Variants in CLDN10 observed in about 807,000 individuals in gnomAD.
The protein encoded by CLDN10 is claudin-10.
A neutral mutation model predicts 22.9 loss-of-function variants in CLDN10; 15 were observed. The ratio of observed to expected loss-of-function variants is 0.65; its 90% CI spans 0.44 to 1.01. CLDN10 has a LOEUF of 1.01. Ranked by LOEUF, CLDN10 falls within the 50% of genes least tolerant of loss-of-function variation. CLDN10 has a pLI of 0.00. For synonymous variants in CLDN10, 114 were observed against 111.4 expected, an observed-to-expected ratio of 1.02 and a Z score of -0.15; for missense variants, 247 against 287.8, an observed-to-expected ratio of 0.86 and a Z score of 1.03.
chr13:95,518,377 T>C (rs187424378), intron 1 of CLDN10, among the ~76,000 whole-genome samples: 267 of 152,360 alleles, frequency 1.8e-3, no homozygotes, highest in African/African-American at 4.7e-3. Flanking sequence ...TTATAGATCA[T>C]ATCCACAATT....
At chr13:95,519,669 C>T (rs935070687) in intron 1 of CLDN10, among the ~76,000 whole-genome samples, 1 of 152,118 alleles carries the variant, frequency 6.6e-6, no homozygotes, top group Non-Finnish European at 1.5e-5. Flanking sequence ...GCTATTAGTT[C>T]CTAACTCTTA....
chr13:95,506,902 G>C (rs1371033811), intron 1 of CLDN10, among the ~76,000 whole-genome samples: 1 of 152,110 alleles, frequency 6.6e-6, no homozygotes, highest in Non-Finnish European at 1.5e-5. Context: ...GGGCAGTAAA[G>C]CTCCCAAAAT....
At chr13:95,523,167 T>G (rs1023946124) in intron 1 of CLDN10, among the ~76,000 whole-genome samples, 6 of 152,126 alleles carry the variant, frequency 3.9e-5, no homozygotes, top group African/African-American at 1.4e-4. Flanking sequence ...TTGCTTATTA[T>G]TCTATCTTTT....
intron 3 of CLDN10, among the ~76,000 whole-genome samples, chr13:95,563,825 T>G (rs2043749543): frequency 6.6e-6 from 1 of 152,218 alleles, no homozygotes; most frequent in Non-Finnish European, 1.5e-5. Context: ...ATGACTTCAC[T>G]TGGTTTCCGT....
At chr13:95,553,651 G>A (rs1267922459) in intron 1 of CLDN10, among the ~76,000 whole-genome samples, 1 of 152,244 alleles carries the variant, frequency 6.6e-6, no homozygotes, top group Non-Finnish European at 1.5e-5. Flanking sequence ...TCCGCAGAGG[G>A]TAGGGAATCT....
intron 1 of CLDN10, among the ~76,000 whole-genome samples, chr13:95,494,111 C>T (rs1444871801): frequency 1.3e-5 from 2 of 152,160 alleles, no homozygotes; most frequent in Non-Finnish European, 2.9e-5. Flanking sequence ...TTCCTTACTA[C>T]CATCAAATAC....
At chr13:95,481,280 G>A (rs877960) in intron 1 of CLDN10, among the ~76,000 whole-genome samples, 90,116 of 151,988 alleles carry the variant, frequency 0.59, 27,930 homozygotes, top group African/African-American at 0.78. Context: ...GACTCAGTGC[G>A]GACCTTGCCT....
At chr13:95,505,911 C>T (rs531179291) in intron 1 of CLDN10, among the ~76,000 whole-genome samples, 23 of 152,058 alleles carry the variant, frequency 1.5e-4, no homozygotes, top group Non-Finnish European at 2.8e-4. Context: ...CCTGCCACCA[C>T]GCCCAGCTAG....
chr13:95,462,990 A>G (rs897406185), intron 1 of CLDN10, among the ~76,000 whole-genome samples: 2 of 152,020 alleles, frequency 1.3e-5, no homozygotes, highest in Non-Finnish European at 2.9e-5. Context: ...GCTGCTTGCC[A>G]AGGACTGAGG....
intron 1 of CLDN10, among the ~76,000 whole-genome samples, chr13:95,537,952 G>A (rs2043417793): frequency 6.6e-6 from 1 of 152,136 alleles, no homozygotes; most frequent in Admixed American, 6.5e-5. Context: ...ACATCCTTCA[G>A]TGGCAACATA....
In CLDN10 at chr13:95,570,858, G is replaced by GTATATATATATATATATATATA. The variant is rs55861640; in HGVS notation, c.465-6368_465-6347dup. ...CACACACACACACACATATACGTGT[G>GTATATATATATATATATATATA]TATATATATATATATATATATATAT... is the stretch of plus-strand genomic sequence containing the variant. On this transcript the variant is annotated intron_variant, in intron 3 of 4. Coordinates refer to ENST00000299339, the MANE Select transcript of CLDN10 (RefSeq NM_006984.5). Among the ~76,000 whole-genome samples, 457 of 119,504 alleles carry GTATATATATATATATATATATA rather than the reference G, an allele frequency of 3.8e-3. 3 individuals are homozygous for GTATATATATATATATATATATA. Among genetic ancestry groups the GTATATATATATATATATATATA allele is most frequent in the Non-Finnish European group, 5.3e-3 (308 of 58,372 alleles). The allele number at this position is 119,504 out of a possible 152,430, so 78.4% of individuals were successfully genotyped here. A position where few individuals can be genotyped will look rare whatever the true frequency, so the allele number is the denominator to read the frequency against.
intron 1 of CLDN10, among the ~76,000 whole-genome samples, chr13:95,440,462 G>A (rs917580579): frequency 2.6e-5 from 4 of 152,174 alleles, no homozygotes; most frequent in African/African-American, 9.7e-5. Context: ...GGTCACTTGA[G>A]CCAAGGAGTT....
chr13:95,440,607 T>C (rs1442088215), intron 1 of CLDN10, among the ~76,000 whole-genome samples: 1 of 152,130 alleles, frequency 6.6e-6, no homozygotes, highest in Non-Finnish European at 1.5e-5. Context: ...ACTGGGGAGA[T>C]TGAGACTGCA....
intron 1 of CLDN10, among the ~76,000 whole-genome samples, chr13:95,485,025 C>G (rs2042790752): frequency 6.6e-6 from 1 of 152,076 alleles, no homozygotes; most frequent in Non-Finnish European, 1.5e-5. Context: ...TGTACAACAT[C>G]CAAGCCTAGA....
At chr13:95,434,473 C>T (rs199519061) in intron 1 of CLDN10, among the ~76,000 whole-genome samples, 1 of 104,604 alleles carries the variant, frequency 9.6e-6, no homozygotes, top group Non-Finnish European at 1.9e-5. Context: ...ATATATACAC[C>T]CACAAACACA....
At chr13:95,560,620 C>T in intron 3 of CLDN10, 157 bp downstream of exon 3, 2 of 625,418 alleles carry the variant, frequency 3.2e-6, no homozygotes, top group Non-Finnish European at 5.6e-6. Flanking sequence ...GTGTCATATG[C>T]CACATACGCA....
intron 3 of CLDN10, among the ~76,000 whole-genome samples, chr13:95,568,497 A>G (rs1409758577): frequency 6.6e-6 from 1 of 151,866 alleles, no homozygotes; most frequent in East Asian, 1.9e-4. Context: ...TCTTACCCCC[A>G]TTGCTCCTCT....
At chr13:95,546,200 G>A (rs1162305744) in intron 1 of CLDN10, among the ~76,000 whole-genome samples, 1 of 152,000 alleles carries the variant, frequency 6.6e-6, no homozygotes, top group African/African-American at 2.4e-5. Context: ...TTTTGTGCAT[G>A]TTTGTTCACA....
chr13:95,464,561 T>C (rs1361675653), intron 1 of CLDN10, among the ~76,000 whole-genome samples: 3 of 152,196 alleles, frequency 2.0e-5, no homozygotes, highest in South Asian at 4.1e-4. Context: ...GCAATAAACA[T>C]ACATGTGCAT....
Sources: gnomAD v4.1 joint callset for allele counts (sites outside exome capture counted in the v4.1 genomes callset) on GRCh38, gnomAD v4.1.1 for gene constraint, MANE v1.5 for transcripts, NCBI Gene and HGNC (gene_info 2026-07-23, HGNC 2026-07-21) for gene names.